Variants in TFB1M observed in about 807,000 individuals in gnomAD.
TFB1M encodes dimethyladenosine transferase 1, mitochondrial.
TFB1M carries 27 observed loss-of-function variants against 31.1 expected under a neutral mutation model. The observed-to-expected ratio is 0.87, with a 90% CI of 0.64 to 1.20. The LOEUF (loss-of-function observed/expected upper bound fraction) is 1.20, where lower values mean the gene tolerates loss of function less well. Among genes scored for constraint, TFB1M ranks in the 50% most tolerant of loss-of-function variants. The probability of loss-of-function intolerance (pLI) is 0.00; values close to 1 mark genes in which losing one functional copy is unlikely to be tolerated. For missense variants in TFB1M, 394 were observed against 418.7 expected, an observed-to-expected ratio of 0.94 and a Z score of 0.51; for synonymous variants, 166 against 151.8, an observed-to-expected ratio of 1.09 and a Z score of -0.69.
At chr6:155,279,458 G>A (rs1372556646) in intron 5 of TFB1M, among the ~76,000 whole-genome samples, 1 of 152,142 alleles carries the variant, frequency 6.6e-6, no homozygotes, top group Admixed American at 6.5e-5. Context: ...GTTTAGGCTT[G>A]GATGACCTGG....
chr6:155,248,284 C>A, the TFB1M span: 3 of 1,300,910 alleles, frequency 2.3e-6, no homozygotes, highest in Non-Finnish European at 3.1e-6. Flanking sequence ...CCTAGTGGCA[C>A]GTCCTAAGTC....
At position 155,314,296 on chromosome 6, in the gene TFB1M, C is replaced by T. The variant is rs776737012; in HGVS notation, c.133G>A (p.Asp45Asn). The change falls in exon 1 of 7, where the codon GAT (aspartate) becomes AAT (asparagine). Residue 45 changes from aspartate to asparagine, a missense_variant and splice_region_variant. Physicochemically the swap from Asp to Asn is conservative, Grantham distance 23. Transcript: ENST00000367166. ...CGGGGAGCACTGCTAAGCCATCCAC[C>T]TGTCAGCCTCAAGTCCAGGAGGAAA... The part of the protein sequence containing the change: ...QNFLLDLRLT[D>N]KIVRKAGNLT... 1.9e-6 allele frequency: 3 copies of T among 1,613,834 alleles called. No individual in the cohort carries two copies. Among genetic ancestry groups the T allele is most frequent in the Non-Finnish European group, 2.5e-6 (3 of 1,179,918 alleles).
In TFB1M at chr6:155,257,218, A is replaced by G. The variant is rs1170852203; in HGVS notation, c.*618T>C. The stretch of plus-strand genomic sequence containing the variant: ...AAAAAAAAAAAAAAAAAAACTGTTC[A>G]TTCCTGGGTTTTGTGCAGTATACAT... On this transcript the variant is annotated 3_prime_UTR_variant, in exon 7 of 7. Coordinates refer to ENST00000367166, the MANE Select transcript of TFB1M (RefSeq NM_016020.4). 2 of 1,268,556 alleles carry G rather than the reference A, an allele frequency of 1.6e-6. No individual in the cohort carries two copies. Among genetic ancestry groups the G allele is most frequent in the Non-Finnish European group, 2.2e-6 (2 of 925,154 alleles). The allele number at this position is 1,268,556 out of a possible 1,614,324, so 78.6% of individuals were successfully genotyped here. A position where few individuals can be genotyped will look rare whatever the true frequency, so the allele number is the denominator to read the frequency against.
intron 5 of TFB1M, among the ~76,000 whole-genome samples, chr6:155,278,999 G>A (rs552262673): frequency 2.0e-5 from 3 of 152,026 alleles, no homozygotes; most frequent in Non-Finnish European, 4.4e-5. Context: ...TCTTAACTGA[G>A]GTAGTGCTAC....
chr6:155,250,569 T>C, the TFB1M span: 1 of 1,536,026 alleles, frequency 6.5e-7, no homozygotes. Context: ...GTGATGGATG[T>C]ACTAGATCCC....
chr6:155,278,520 T>C (rs1403816894), intron 5 of TFB1M, among the ~76,000 whole-genome samples: 1 of 152,230 alleles, frequency 6.6e-6, no homozygotes, highest in Non-Finnish European at 1.5e-5. Flanking sequence ...GGCAAGTGCT[T>C]CCTAACACAT....
intron 5 of TFB1M, among the ~76,000 whole-genome samples, chr6:155,271,760 T>C (rs1271058263): frequency 6.6e-6 from 1 of 152,080 alleles, no homozygotes; most frequent in East Asian, 1.9e-4. Context: ...ATAGAGAAAA[T>C]TTCAAAAATA....
At chr6:155,240,802 C>T in the TFB1M span, 1 of 1,306,638 alleles carries the variant, frequency 7.7e-7, no homozygotes, top group Middle Eastern at 2.2e-4. Flanking sequence ...CTGCCCAGGA[C>T]ACCTGCCACT....
chr6:155,303,444 C>T (rs1443883989), intron 2 of TFB1M: 1 of 152,156 alleles, frequency 6.6e-6, no homozygotes, highest in Non-Finnish European at 1.5e-5. Flanking sequence ...GTCAGTGGGC[C>T]TGCTTCTACC....
the TFB1M span, among the ~76,000 whole-genome samples, chr6:155,232,278 T>TC: frequency 1.3e-5 from 2 of 150,654 alleles, no homozygotes; most frequent in African/African-American, 4.9e-5. Flanking sequence ...GTTTTTTTTT[T>TC]CCCGTTTTCC....
chr6:155,284,350 G>A (rs1292212187), intron 5 of TFB1M, among the ~76,000 whole-genome samples: 2 of 152,162 alleles, frequency 1.3e-5, no homozygotes, highest in Non-Finnish European at 2.9e-5. Flanking sequence ...GGGACACTCT[G>A]CAAGACCTTA....
intron 5 of TFB1M, among the ~76,000 whole-genome samples, chr6:155,273,369 C>T (rs1048103701): frequency 3.3e-5 from 5 of 152,172 alleles, no homozygotes; most frequent in African/African-American, 1.2e-4. Context: ...CAGAACAGCA[C>T]AATCCAGATA....
At chr6:155,237,182 C>T in the TFB1M span, among the ~76,000 whole-genome samples, 2 of 152,238 alleles carry the variant, frequency 1.3e-5, no homozygotes, top group Non-Finnish European at 2.9e-5. Flanking sequence ...TAAAGGGGCT[C>T]CAGGCCCCAT....
chr6:155,252,990 C>G (rs185814059), downstream of TFB1M: 49 of 1,614,194 alleles, frequency 3.0e-5, no homozygotes, highest in Non-Finnish European at 4.0e-5. Flanking sequence ...TGACTTGGAC[C>G]CATTTAAATT....
At chr6:155,294,598 G>A (rs1583361228) in intron 4 of TFB1M, among the ~76,000 whole-genome samples, 1 of 152,308 alleles carries the variant, frequency 6.6e-6, no homozygotes, top group East Asian at 1.9e-4. Context: ...AAGGACAAAA[G>A]AAAACACAAT....
the TFB1M span, chr6:155,244,187 C>A: frequency 9.2e-7 from 1 of 1,086,038 alleles, no homozygotes; most frequent in Non-Finnish European, 1.4e-6. Flanking sequence ...AAGAACATCC[C>A]AAGACTTAAC....
chr6:155,310,751 C>T (rs1026360974), intron 2 of TFB1M: 11 of 171,304 alleles, frequency 6.4e-5, no homozygotes, highest in Non-Finnish European at 1.3e-4. Flanking sequence ...TGATGACAAA[C>T]GTGCATATGT....
chr6:155,284,641 C>T (rs1347407076), intron 5 of TFB1M, among the ~76,000 whole-genome samples: 1 of 152,128 alleles, frequency 6.6e-6, no homozygotes, highest in East Asian at 1.9e-4. Context: ...GTTTCTGTAA[C>T]TAGCACTTAC....
intron 4 of TFB1M, among the ~76,000 whole-genome samples, chr6:155,294,534 A>AACT (rs547460606): frequency 4.9e-4 from 75 of 152,304 alleles, no homozygotes; most frequent in Admixed American, 1.0e-3. Flanking sequence ...AAAAACAAGG[A>AACT]ACTCAAAAAG....
Sources: gnomAD v4.1 joint callset for allele counts (sites outside exome capture counted in the v4.1 genomes callset) on GRCh38, gnomAD v4.1.1 for gene constraint, MANE v1.5 for transcripts, NCBI Gene and HGNC (gene_info 2026-07-23, HGNC 2026-07-21) for gene names.